Variants in RBPJ observed in about 807,000 individuals in gnomAD.
The protein encoded by RBPJ is recombining binding protein suppressor of hairless.
Under a neutral mutation model 67.8 loss-of-function variants are expected in RBPJ, and 9 were observed. The ratio of observed to expected loss-of-function variants is 0.13; its 90% CI spans 0.08 to 0.23. The LOEUF (loss-of-function observed/expected upper bound fraction) is 0.23. RBPJ is among the 10% of genes least tolerant of loss of function. The pLI is 1.00. For missense variants in RBPJ, 305 were observed against 595.6 expected (o/e 0.51, Z 5.08); for synonymous variants, 198 against 203.3 (o/e 0.97, Z 0.22).
At chr4:26,234,730 T>G (rs952418291) in intron 1 of RBPJ, among the ~76,000 whole-genome samples, 1 of 152,160 alleles carries the variant, frequency 6.6e-6, no homozygotes, top group Non-Finnish European at 1.5e-5. Flanking sequence ...TCTCGCTCTG[T>G]CACCCAGGCT....
chr4:26,432,637 A>G lies in RBPJ; in HGVS notation c.*1630A>G, dbSNP rs1736341699. 1 of 152,188 alleles carries G rather than the reference A, an allele frequency of 6.6e-6. No homozygotes were observed. Among genetic ancestry groups the G allele is most frequent in the African/African-American group, 2.4e-5 (1 of 41,458 alleles). 9.4% of individuals were successfully genotyped at this position (152,188 alleles called of 1,614,324 possible). A position where few individuals can be genotyped will look rare whatever the true frequency, so the allele number is the denominator to read the frequency against. On this transcript the variant is annotated 3_prime_UTR_variant, in exon 11 of 11. Coordinates refer to ENST00000355476, the MANE Select transcript of RBPJ (RefSeq NM_015874.6). Reference sequence around the variant, plus strand: ...AGACTCATTGGGCTACATTTAGTACAGGAACCACGTGTGTAATGTTATACA... The same window carrying G: ...AGACTCATTGGGCTACATTTAGTACGGGAACCACGTGTGTAATGTTATACA...
intron 7 of RBPJ, among the ~76,000 whole-genome samples, chr4:26,426,851 G>A (rs1226362063): frequency 6.6e-6 from 1 of 152,150 alleles, no homozygotes; most frequent in Non-Finnish European, 1.5e-5. Context: ...GGGAGGAGAG[G>A]TCAAGTGGCA....
chr4:26,333,904 C>T (rs1324674777), intron 1 of RBPJ, among the ~76,000 whole-genome samples: 3 of 152,100 alleles, frequency 2.0e-5, no homozygotes, highest in Non-Finnish European at 2.9e-5. Context: ...TGGGCTCAAG[C>T]GATCCTTCTG....
intron 1 of RBPJ, among the ~76,000 whole-genome samples, chr4:26,209,182 T>C (rs1411124142): frequency 6.6e-6 from 1 of 151,902 alleles, no homozygotes; most frequent in African/African-American, 2.4e-5. Flanking sequence ...TGATGTCAAC[T>C]GGCTTGCAAA....
Position 26,321,055 on chromosome 4 carries a change from C to G in RBPJ, c.20+7C>G, listed in dbSNP as rs771142343. 4.4e-6 allele frequency: 7 copies of G among 1,603,488 alleles called. No homozygotes were observed. Among genetic ancestry groups the G allele is most frequent in the Non-Finnish European group, 6.0e-6 (7 of 1,171,344 alleles). ...TGGCGCCTGTTGTGACAGGGTAAGT[C>G]TGAGGGAATCGGAGCGCCGGGAACC... On this transcript the variant is annotated splice_region_variant and intron_variant, in intron 1 of 10. Transcript: ENST00000355476.
chr4:26,268,390 A>T (rs548865340), intron 1 of RBPJ, among the ~76,000 whole-genome samples: 35 of 152,312 alleles, frequency 2.3e-4, no homozygotes, highest in African/African-American at 7.5e-4. Context: ...CTCCAATACC[A>T]GGATGCCCTT....
intron 1 of RBPJ, among the ~76,000 whole-genome samples, chr4:26,210,928 T>G (rs959763543): frequency 1.3e-5 from 2 of 151,678 alleles, no homozygotes; most frequent in African/African-American, 4.8e-5. Context: ...CTCCACTTGG[T>G]TTTGTATTGT....
rs564414883 is a variant in RBPJ, at chr4:26,283,311, G to A, written c.-166-79135G>A. On this transcript the variant is annotated intron_variant, in intron 1 of 4. Transcript: ENST00000512351. ...TGTAATCCCAGCACTTTGGGAGGCCGAGGTGGGTGGATCACCTGAGGTCAG... is the reference window on the plus strand; with the variant it reads ...TGTAATCCCAGCACTTTGGGAGGCCAAGGTGGGTGGATCACCTGAGGTCAG... 5.8e-3 allele frequency among the ~76,000 whole-genome samples: 876 copies of A among 151,806 alleles called. 6 individuals carry two copies. The highest frequency in any genetic ancestry group is 0.014 in the Middle Eastern group (4 of 294).
At chr4:26,407,894 T>TTC (rs1733610966) in intron 3 of RBPJ, among the ~76,000 whole-genome samples, 1 of 130,848 alleles carries the variant, frequency 7.6e-6, no homozygotes, top group African/African-American at 2.9e-5. Flanking sequence ...TTTTTTTTTT[T>TTC]TTTTTTTTTT....
intron 8 of RBPJ, among the ~76,000 whole-genome samples, chr4:26,429,279 G>A (rs897673259): frequency 6.6e-6 from 1 of 152,196 alleles, no homozygotes; most frequent in Non-Finnish European, 1.5e-5. Context: ...ATGATGACAT[G>A]CTTTGAAAGC....
At chr4:26,278,983 G>A (rs978656438) in intron 1 of RBPJ, among the ~76,000 whole-genome samples, 1 of 152,134 alleles carries the variant, frequency 6.6e-6, no homozygotes, top group African/African-American at 2.4e-5. Flanking sequence ...GCTCCTGTAT[G>A]ATCTTAGCTT....
chr4:26,209,257 T>C (rs961914695), intron 1 of RBPJ, among the ~76,000 whole-genome samples: 25 of 152,106 alleles, frequency 1.6e-4, no homozygotes, highest in African/African-American at 4.3e-4. Context: ...CACGGCAGTT[T>C]CTTCCAAAAT....
At chr4:26,416,608 T>A (rs902425482) in intron 4 of RBPJ, among the ~76,000 whole-genome samples, 9 of 152,244 alleles carry the variant, frequency 5.9e-5, no homozygotes, top group African/African-American at 2.2e-4. Context: ...CTTGCTACTG[T>A]ACTTTGGAAA....
chr4:26,113,286 C>A, the RBPJ span: 1 of 400,168 alleles, frequency 2.5e-6, no homozygotes. Context: ...TCTCACTCAG[C>A]TTTGGAAAGC....
intron 1 of RBPJ, among the ~76,000 whole-genome samples, chr4:26,165,655 T>G (rs1038173745): frequency 3.3e-5 from 5 of 151,882 alleles, no homozygotes; most frequent in Non-Finnish European, 7.4e-5. Context: ...TCATTAATGA[T>G]GAAGTAAAGC....
chr4:26,195,250 G>T (rs954757336), intron 1 of RBPJ, among the ~76,000 whole-genome samples: 25 of 152,226 alleles, frequency 1.6e-4, no homozygotes, highest in Middle Eastern at 6.8e-3. Flanking sequence ...CATGCCTGTA[G>T]TCCTACCTAC....
At chr4:26,215,273 A>ACGAGAGG (rs1560214604) in intron 1 of RBPJ, among the ~76,000 whole-genome samples, 1 of 11,948 alleles carries the variant, frequency 8.4e-5, no homozygotes. Flanking sequence ...GGGAGGGAGG[A>ACGAGAGG]AAAAGAGAGA....
intron 2 of RBPJ, among the ~76,000 whole-genome samples, chr4:26,392,957 G>A (rs1173606779): frequency 6.6e-6 from 1 of 152,068 alleles, no homozygotes; most frequent in Non-Finnish European, 1.5e-5. Flanking sequence ...TGTTTGAGAC[G>A]GAGTCTTGCT....
At chr4:26,239,188 C>T (rs535949711) in intron 1 of RBPJ, among the ~76,000 whole-genome samples, 1 of 152,300 alleles carries the variant, frequency 6.6e-6, no homozygotes, top group South Asian at 2.1e-4. Context: ...TACTGAGCTC[C>T]TATTTCTGCT....
Sources: gnomAD v4.1 joint callset for allele counts (sites outside exome capture counted in the v4.1 genomes callset) on GRCh38, gnomAD v4.1.1 for gene constraint, MANE v1.5 for transcripts, NCBI Gene and HGNC (gene_info 2026-07-23, HGNC 2026-07-21) for gene names.